The following PXDNL variants were observed in gnomAD, a reference collection of about 807,000 sequenced individuals.
PXDNL encodes probable oxidoreductase PXDNL.
A neutral mutation model predicts 150.8 loss-of-function variants in PXDNL; 145 were observed. The observed-to-expected ratio is 0.96, with a 90% confidence interval of 0.84 to 1.10. PXDNL has a LOEUF of 1.10. Ranked by LOEUF, PXDNL falls within the 50% of genes least tolerant of loss-of-function variation. PXDNL has a pLI of 0.00. For missense variants in PXDNL, 2,087 were observed against 1,873.9 expected (o/e 1.11, Z -2.10); for synonymous variants, 757 against 725.7 (o/e 1.04, Z -0.69).
chr8:51,344,055 T>C (rs576947333), intron 20 of PXDNL, among the ~76,000 whole-genome samples: 1 of 152,286 alleles, frequency 6.6e-6, no homozygotes, highest in South Asian at 2.1e-4. Context: ...TCTTCATTCC[T>C]AGTTATTGAA....
chr8:51,556,865 T>C lies in PXDNL; in HGVS notation c.355A>G (p.Lys119Glu). ...EIHALDKQTF[K>E]GLISLEHLYI... ...AGATGTTCCAAAGATATGAGTCCTT[T>C]AAATGTTTGCTTATCTAGTGCATGG... The change falls in exon 4 of 23, where the codon AAA becomes GAA. Residue 119 changes from lysine to glutamate, a missense_variant. Physicochemically the swap from Lys to Glu is moderately conservative, Grantham distance 56. Coordinates refer to ENST00000356297, the MANE Select transcript of PXDNL (RefSeq NM_144651.5). 1.3e-6 allele frequency: 2 copies of C among 1,582,624 alleles called. No homozygotes were observed. The highest frequency in any genetic ancestry group is 1.7e-6 in the Non-Finnish European group (2 of 1,152,208).
chr8:51,759,033 C>T (rs2037133238), intron 1 of PXDNL, among the ~76,000 whole-genome samples: 1 of 152,154 alleles, frequency 6.6e-6, no homozygotes, highest in Non-Finnish European at 1.5e-5. Flanking sequence ...TTTCCTGGGG[C>T]TGGAATAGAA....
intron 1 of PXDNL, among the ~76,000 whole-genome samples, chr8:51,659,029 C>T (rs1382698250): frequency 3.3e-5 from 5 of 152,152 alleles, no homozygotes; most frequent in African/African-American, 1.2e-4. Context: ...CACTCAAGAT[C>T]GGTCACTAGC....
intron 1 of PXDNL, among the ~76,000 whole-genome samples, chr8:51,783,234 T>C (rs575510728): frequency 6.6e-6 from 1 of 152,336 alleles, no homozygotes; most frequent in Admixed American, 6.5e-5. Context: ...CACGTAGCTG[T>C]GCACAACCCA....
chr8:51,396,084 A>G (rs916208129), intron 17 of PXDNL, among the ~76,000 whole-genome samples: 1 of 152,262 alleles, frequency 6.6e-6, no homozygotes. Flanking sequence ...AATCGGTTCT[A>G]TAGATCGGCA....
chr8:51,794,021 A>G (rs1368197525), intron 1 of PXDNL, among the ~76,000 whole-genome samples: 1 of 152,088 alleles, frequency 6.6e-6, no homozygotes, highest in Non-Finnish European at 1.5e-5. Context: ...TCACAATGCA[A>G]CCACAAGTAT....
intron 1 of PXDNL, among the ~76,000 whole-genome samples, chr8:51,752,805 TG>T (rs1342880185): frequency 6.6e-6 from 1 of 152,264 alleles, no homozygotes; most frequent in African/African-American, 2.4e-5. Context: ...TTGACTTTGA[TG>T]GCAGATGGAA....
intron 2 of PXDNL, among the ~76,000 whole-genome samples, chr8:51,649,324 A>G (rs1328767042): frequency 6.6e-6 from 1 of 152,204 alleles, no homozygotes; most frequent in Non-Finnish European, 1.5e-5. Context: ...GTCGGCAAAT[A>G]ACACACGTGT....
intron 1 of PXDNL, among the ~76,000 whole-genome samples, chr8:51,802,066 T>C (rs2037626571): frequency 6.6e-6 from 1 of 152,216 alleles, no homozygotes; most frequent in South Asian, 2.1e-4. Context: ...ATTAGCACTC[T>C]GTAGCATTTG....
At chr8:51,393,430 T>TA (rs746513785) in intron 17 of PXDNL, among the ~76,000 whole-genome samples, 2 of 152,234 alleles carry the variant, frequency 1.3e-5, no homozygotes, top group Non-Finnish European at 2.9e-5. Context: ...AGAGCACGTG[T>TA]AACACCATGG....
In PXDNL at chr8:51,408,993, C is replaced by T; in HGVS notation, c.2631G>A (p.Thr877=). The T allele has an allele frequency of 6.2e-7, 1 of 1,611,654 alleles. No homozygotes were observed. The highest frequency in any genetic ancestry group is 8.5e-7 in the Non-Finnish European group (1 of 1,179,858). ...GCTCTCGTGCATAGACTGAATCCAC[C>T]GTCGCAGAGGGACGGCCGCTGGCAC... ...PACASGRPSA[T]VDSVYAREQI... is the part of the protein sequence containing the mutation. The change falls in exon 17 of 23, where the codon ACG becomes ACA. Residue 877 remains threonine (T), a synonymous_variant. Coordinates refer to ENST00000356297, the MANE Select transcript of PXDNL (RefSeq NM_144651.5).
At position 51,484,065 on chromosome 8, in the gene PXDNL, T is replaced by A. The variant is rs1272109992; in HGVS notation, c.453-351A>T. On this transcript the variant is annotated intron_variant, in intron 5 of 22. Transcript: ENST00000356297. ...TCATTATCAGCAGGCAATGTATACATATATCAAATCAGCATGTTGTACACC... is the reference window on the plus strand; with the variant it reads ...TCATTATCAGCAGGCAATGTATACAAATATCAAATCAGCATGTTGTACACC... Among the ~76,000 whole-genome samples, 12 of 152,342 alleles carry A rather than the reference T, an allele frequency of 7.9e-5. No homozygotes were observed. The South Asian group carries it at 1.4e-3, about 18-fold the overall frequency.
chr8:51,531,485 C>T (rs1811906085), intron 4 of PXDNL, among the ~76,000 whole-genome samples: 1 of 152,282 alleles, frequency 6.6e-6, no homozygotes, highest in Middle Eastern at 3.4e-3. Flanking sequence ...TGGCATGGTG[C>T]AGAGATCTCA....
intron 1 of PXDNL, among the ~76,000 whole-genome samples, chr8:51,703,822 G>C (rs1157189581): frequency 6.6e-6 from 1 of 152,170 alleles, no homozygotes; most frequent in Non-Finnish European, 1.5e-5. Flanking sequence ...GAGTTGCATA[G>C]TTTTTCACGC....
intron 4 of PXDNL, among the ~76,000 whole-genome samples, chr8:51,522,721 G>A (rs1811687448): frequency 6.6e-6 from 1 of 152,132 alleles, no homozygotes; most frequent in Admixed American, 6.5e-5. Context: ...GTGCATGCCT[G>A]TAATCCCAGC....
chr8:51,398,791 G>A (rs1808163893), intron 17 of PXDNL, among the ~76,000 whole-genome samples: 1 of 151,760 alleles, frequency 6.6e-6, no homozygotes, highest in South Asian at 2.1e-4. Flanking sequence ...TCACACTTAG[G>A]AAAGTAATGA....
At chr8:51,428,936 A>G (rs1403064126) in intron 12 of PXDNL, among the ~76,000 whole-genome samples, 2 of 15,884 alleles carry the variant, frequency 1.3e-4, no homozygotes, top group Non-Finnish European at 7.8e-4. Flanking sequence ...TTTGCAAACC[A>G]CATATGCAGA....
chr8:51,611,390 AC>A (rs1327546119), intron 2 of PXDNL, among the ~76,000 whole-genome samples: 1 of 152,226 alleles, frequency 6.6e-6, no homozygotes, highest in East Asian at 1.9e-4. Context: ...GATGGTAGTT[AC>A]ACGAGTGTTT....
intron 19 of PXDNL, 43 bp downstream of exon 19, chr8:51,371,830 C>G: frequency 6.8e-7 from 1 of 1,476,096 alleles, no homozygotes; most frequent in Non-Finnish European, 9.4e-7. Context: ...AGCATGAGAA[C>G]ATGCACATCA....
Sources: gnomAD v4.1 joint callset for allele counts (sites outside exome capture counted in the v4.1 genomes callset) on GRCh38, gnomAD v4.1.1 for gene constraint, MANE v1.5 for transcripts, NCBI Gene and HGNC (gene_info 2026-07-23, HGNC 2026-07-21) for gene names.